Variants in BEND6 observed in about 807,000 individuals in gnomAD.
BEND6 encodes the protein BEN domain-containing protein 6.
BEND6 carries 24 observed loss-of-function variants against 31.8 expected under a neutral mutation model. The ratio of observed to expected loss-of-function variants is 0.75; its 90% CI spans 0.55 to 1.06. The LOEUF (loss-of-function observed/expected upper bound fraction) is 1.06, where lower values mean the gene tolerates loss of function less well. Ranked by LOEUF, BEND6 falls within the 50% of genes least tolerant of loss-of-function variation. The probability of loss-of-function intolerance (pLI) is 0.00; values close to 1 mark genes in which losing one functional copy is unlikely to be tolerated. For synonymous variants in BEND6, 109 were observed against 114.6 expected (o/e 0.95, Z 0.31); for missense variants, 294 against 327.4 (o/e 0.90, Z 0.79).
chr6:56,964,508 CT>C (rs917924533), intron 1 of BEND6, among the ~76,000 whole-genome samples: 86 of 146,166 alleles, frequency 5.9e-4, no homozygotes, highest in Middle Eastern at 3.6e-3. Flanking sequence ...GTCTTTTTGT[CT>C]TTTTTTTTTT....
chr6:56,971,122 T>C (rs1270514579), intron 1 of BEND6, among the ~76,000 whole-genome samples: 1 of 152,190 alleles, frequency 6.6e-6, no homozygotes, highest in East Asian at 1.9e-4. Flanking sequence ...CATTAAACAA[T>C]AGTTCCTATT....
chr6:57,018,356 A>T, intron 5 of BEND6, 65 bp from the exon 6 acceptor site: 1 of 1,498,030 alleles, frequency 6.7e-7, no homozygotes, highest in Non-Finnish European at 8.9e-7. Flanking sequence ...GTTTTACCTC[A>T]GTTCATACCC....
At chr6:56,970,973 A>G (rs1371608050) in intron 1 of BEND6, among the ~76,000 whole-genome samples, 1 of 152,226 alleles carries the variant, frequency 6.6e-6, no homozygotes, top group Non-Finnish European at 1.5e-5. Context: ...GGTAAAACAC[A>G]CATAACATAA....
chr6:56,997,898 GGGAC>G (rs1448930573), intron 3 of BEND6, among the ~76,000 whole-genome samples: 2 of 152,060 alleles, frequency 1.3e-5, no homozygotes, highest in Admixed American at 1.3e-4. Context: ...CTATGTGAAA[GGGAC>G]TATTCTAAAT....
At chr6:56,983,546 T>A (rs1271897570) in intron 2 of BEND6, among the ~76,000 whole-genome samples, 2 of 152,224 alleles carry the variant, frequency 1.3e-5, no homozygotes, top group Non-Finnish European at 2.9e-5. Flanking sequence ...CAGATGTAAG[T>A]GAGATCATGC....
chr6:56,993,804 C>G (rs372363957), intron 3 of BEND6, among the ~76,000 whole-genome samples: 1 of 152,014 alleles, frequency 6.6e-6, no homozygotes, highest in Non-Finnish European at 1.5e-5. Flanking sequence ...CCTAAGCAAC[C>G]CTCCTGCCTC....
intron 3 of BEND6, among the ~76,000 whole-genome samples, chr6:57,005,634 C>A (rs548218254): frequency 6.6e-6 from 1 of 150,848 alleles, no homozygotes; most frequent in Non-Finnish European, 1.5e-5. Context: ...GAGCCGAGAT[C>A]GCCCCACTGC....
At chr6:56,961,903 G>A (rs1042663293) in intron 1 of BEND6, among the ~76,000 whole-genome samples, 4 of 152,116 alleles carry the variant, frequency 2.6e-5, no homozygotes, top group Admixed American at 1.3e-4. Flanking sequence ...TCACCTACTC[G>A]TTGTTTCTAG....
At chr6:57,007,916 C>A (rs1049348504) in intron 3 of BEND6, among the ~76,000 whole-genome samples, 2 of 152,130 alleles carry the variant, frequency 1.3e-5, no homozygotes, top group African/African-American at 4.8e-5. Flanking sequence ...GAATTTATTG[C>A]TATAACCAGA....
intron 3 of BEND6, among the ~76,000 whole-genome samples, chr6:57,011,303 A>C (rs572518083): frequency 6.6e-6 from 1 of 152,338 alleles, no homozygotes; most frequent in South Asian, 2.1e-4. Context: ...GCAATTCAGC[A>C]ATATGAATTG....
intron 6 of BEND6, among the ~76,000 whole-genome samples, chr6:57,020,881 A>C (rs1403377391): frequency 6.7e-6 from 1 of 149,778 alleles, no homozygotes; most frequent in African/African-American, 2.5e-5. Context: ...AAGGATAGGC[A>C]CAAAACTCAT....
At chr6:57,013,198 G>A (rs542262036) in intron 3 of BEND6, among the ~76,000 whole-genome samples, 2 of 152,120 alleles carry the variant, frequency 1.3e-5, no homozygotes, top group Admixed American at 6.6e-5. Flanking sequence ...CCAACTACAC[G>A]TTCAGGAGTT....
intron 2 of BEND6, among the ~76,000 whole-genome samples, chr6:56,986,973 C>CTTTTTTTTTTT (rs869195941): frequency 8.1e-6 from 1 of 123,816 alleles, no homozygotes; most frequent in Non-Finnish European, 1.7e-5. Flanking sequence ...TGTTTCTTTT[C>CTTTTTTTTTTT]TTTTTTTTTT....
chr6:56,960,222 T>G (rs1207532437), intron 1 of BEND6, among the ~76,000 whole-genome samples: 1 of 152,184 alleles, frequency 6.6e-6, no homozygotes, highest in Non-Finnish European at 1.5e-5. Context: ...TGTTCATAAA[T>G]CAAATTATAA....
intron 1 of BEND6, among the ~76,000 whole-genome samples, chr6:56,981,474 A>G (rs1826065864): frequency 6.6e-6 from 1 of 152,234 alleles, no homozygotes; most frequent in South Asian, 2.1e-4. Context: ...AAAGTGTTAC[A>G]ATATTTGATT....
At chr6:57,020,277 A>ATTT (rs1247013962) in intron 6 of BEND6, among the ~76,000 whole-genome samples, 1 of 130,870 alleles carries the variant, frequency 7.6e-6, no homozygotes, top group Non-Finnish European at 1.7e-5. Flanking sequence ...CAAGTTCTCT[A>ATTT]TTTTTTTTTT....
At chr6:56,978,102 A>G (rs1453058928) in intron 1 of BEND6, among the ~76,000 whole-genome samples, 2 of 146,682 alleles carry the variant, frequency 1.4e-5, no homozygotes, top group Admixed American at 6.8e-5. Flanking sequence ...CTGTCTCTAC[A>G]AAAACAAAAA....
rs548907498 is a variant in BEND6 at position 57,026,180 on chromosome 6, A to G, written c.*108A>G. 1 of 152,328 alleles carries G rather than the reference A, an allele frequency of 6.6e-6. No individual in the cohort carries two copies. The highest frequency in any genetic ancestry group is 1.9e-4 in the East Asian group (1 of 5,180). The allele number at this position is 152,328 out of a possible 1,614,324, so 9.4% of individuals were successfully genotyped here. A position where few individuals can be genotyped will look rare whatever the true frequency, so the allele number is the denominator to read the frequency against. On this transcript the variant is annotated 3_prime_UTR_variant, in exon 7 of 7. Transcript: ENST00000370746. ...CTTCCTGGCAGTGAGAAAGACAGAC[A>G]TGTGCAGTGACAGGCTGTAAGACAT...
chr6:57,026,706 G>C lies in BEND6; in HGVS notation c.*634G>C, dbSNP rs1382295606. On this transcript the variant is annotated 3_prime_UTR_variant, in exon 7 of 7. Transcript: ENST00000370746. ...AATATGAAAAAAATGACAACAGCAA[G>C]ATGTTTTATTTTAATGTTAAGCAAT... The C allele has an allele frequency of 2.0e-5, 3 of 152,166 alleles. No individual in the cohort carries two copies. Among genetic ancestry groups the C allele is most frequent in the African/African-American group, 4.8e-5 (2 of 41,440 alleles). 9.4% of individuals were successfully genotyped at this position (152,166 alleles called of 1,614,324 possible). A position where few individuals can be genotyped will look rare whatever the true frequency, so the allele number is the denominator to read the frequency against.
Sources: allele counts gnomAD v4.1 joint callset (sites outside exome capture counted in the v4.1 genomes callset), GRCh38; gene constraint gnomAD v4.1.1; transcripts MANE v1.5; gene names NCBI Gene and HGNC (gene_info 2026-07-23, HGNC 2026-07-21).